Variants in SPAG16 observed in about 807,000 individuals in gnomAD.
SPAG16 encodes sperm-associated antigen 16 protein.
In SPAG16, 86 loss-of-function variants were observed where a neutral mutation model predicts 80.4. The ratio of observed to expected loss-of-function variants is 1.07; its 90% CI spans 0.90 to 1.28. The LOEUF (loss-of-function observed/expected upper bound fraction) is 1.28, where lower values mean the gene tolerates loss of function less well. Among genes scored for constraint, SPAG16 ranks in the 50% most tolerant of loss-of-function variants. The pLI is 0.00. For synonymous variants in SPAG16, 294 were observed against 265.9 expected, an observed-to-expected ratio of 1.11 and a Z score of -1.03; for missense variants, 870 against 765.3, an observed-to-expected ratio of 1.14 and a Z score of -1.61.
intron 12 of SPAG16, among the ~76,000 whole-genome samples, chr2:213,990,797 G>T (rs2046241272): frequency 6.6e-6 from 1 of 152,008 alleles, no homozygotes; most frequent in Non-Finnish European, 1.5e-5. Context: ...AGGTTCCAGT[G>T]TATGTTTGCT....
chr2:213,492,443 G>A (rs1182607220), intron 10 of SPAG16, among the ~76,000 whole-genome samples: 7 of 151,958 alleles, frequency 4.6e-5, no homozygotes, highest in African/African-American at 1.2e-4. Context: ...CCAGCTACTC[G>A]GGAGGCTGAG....
intron 3 of SPAG16, among the ~76,000 whole-genome samples, chr2:213,297,842 T>G (rs2126075543): frequency 6.6e-6 from 1 of 152,270 alleles, no homozygotes; most frequent in East Asian, 1.9e-4. Context: ...TAAAAGTGCA[T>G]AAAACTGATG....
At chr2:213,773,738 G>A (rs947921504) in intron 10 of SPAG16, among the ~76,000 whole-genome samples, 2 of 152,010 alleles carry the variant, frequency 1.3e-5, no homozygotes, top group African/African-American at 4.8e-5. Context: ...ATTTTTAGTA[G>A]AGATAGAGTT....
chr2:213,764,792 A>G (rs1319509804), intron 10 of SPAG16, among the ~76,000 whole-genome samples: 1 of 152,198 alleles, frequency 6.6e-6, no homozygotes, highest in Non-Finnish European at 1.5e-5. Context: ...TATATGAAGT[A>G]TGTAATATAT....
chr2:213,374,153 G>C (rs1462350311), intron 8 of SPAG16, among the ~76,000 whole-genome samples: 2 of 152,070 alleles, frequency 1.3e-5, no homozygotes, highest in African/African-American at 4.8e-5. Flanking sequence ...CCTTTGTCTA[G>C]AACTGGTATC....
At chr2:213,985,708 G>A (rs1477139462) in intron 12 of SPAG16, among the ~76,000 whole-genome samples, 2 of 152,066 alleles carry the variant, frequency 1.3e-5, no homozygotes, top group African/African-American at 2.4e-5. Context: ...CTTAGGGTGT[G>A]TGGGCAAAGA....
At chr2:213,889,589 C>A (rs1416728960) in intron 11 of SPAG16, among the ~76,000 whole-genome samples, 1 of 150,584 alleles carries the variant, frequency 6.6e-6, no homozygotes, top group Non-Finnish European at 1.5e-5. Context: ...AAATAAACAG[C>A]CTTGTTGCTC....
intron 15 of SPAG16, among the ~76,000 whole-genome samples, chr2:214,232,951 A>G (rs768422631): frequency 2.6e-5 from 4 of 152,222 alleles, no homozygotes; most frequent in African/African-American, 7.2e-5. Flanking sequence ...ATGCAATGCA[A>G]TGCATCCAAT....
rs1553615159 is a variant in SPAG16 at position 213,715,222 on chromosome 2, G to GTCAATCTA, written c.1071-147261_1071-147260insAATCTATC. ...AGATTCAAGTTAGGTAGATCTATCT[G>GTCAATCTA]TCTATCTATCTATCTATCTATCTAT... On this transcript the variant is annotated intron_variant, in intron 10 of 15. Coordinates refer to ENST00000331683, the MANE Select transcript of SPAG16 (RefSeq NM_024532.5). 7.2e-5 allele frequency among the ~76,000 whole-genome samples: 8 copies of GTCAATCTA among 110,576 alleles called. No homozygotes were observed. In the South Asian group the frequency reaches 2.3e-3, roughly 32 times the overall value. The allele number at this position is 110,576 out of a possible 152,430, so 72.5% of individuals were successfully genotyped here. A position where few individuals can be genotyped will look rare whatever the true frequency, so the allele number is the denominator to read the frequency against.
chr2:213,514,020 A>G (rs1385765774), intron 10 of SPAG16, among the ~76,000 whole-genome samples: 1 of 152,220 alleles, frequency 6.6e-6, no homozygotes, highest in African/African-American at 2.4e-5. Context: ...AGCGGTAAAT[A>G]GATACCAGAC....
chr2:213,813,061 T>G (rs1374327207), intron 10 of SPAG16, among the ~76,000 whole-genome samples: 1 of 152,122 alleles, frequency 6.6e-6, no homozygotes, highest in Non-Finnish European at 1.5e-5. Flanking sequence ...CTGCTTCACT[T>G]AAAAAATGAG....
intron 15 of SPAG16, among the ~76,000 whole-genome samples, chr2:214,353,367 T>C (rs1698553557): frequency 1.3e-5 from 2 of 152,126 alleles, no homozygotes; most frequent in Admixed American, 1.3e-4. Context: ...GTGTAATAAA[T>C]TTCTTAAGCT....
At chr2:214,125,613 A>G (rs1013498951) in intron 14 of SPAG16, among the ~76,000 whole-genome samples, 9 of 151,774 alleles carry the variant, frequency 5.9e-5, no homozygotes, top group African/African-American at 2.2e-4. Flanking sequence ...TTAGTTAAAT[A>G]TATATAGCTC....
intron 15 of SPAG16, among the ~76,000 whole-genome samples, chr2:214,376,522 T>A (rs1422593161): frequency 1.3e-5 from 2 of 152,098 alleles, no homozygotes; most frequent in African/African-American, 4.8e-5. Flanking sequence ...CAGTTCAAAA[T>A]AATAGGACCA....
At chr2:214,309,776 G>T (rs183708926) in intron 15 of SPAG16, among the ~76,000 whole-genome samples, 24 of 152,166 alleles carry the variant, frequency 1.6e-4, no homozygotes, top group Admixed American at 2.6e-4. Context: ...ACTTTGCCGG[G>T]GGAACCAAAG....
intron 10 of SPAG16, among the ~76,000 whole-genome samples, chr2:213,695,959 A>G (rs2065137899): frequency 6.6e-6 from 1 of 152,168 alleles, no homozygotes; most frequent in African/African-American, 2.4e-5. Context: ...GAGTTACGTA[A>G]GGGTAGAAGA....
At chr2:213,591,946 A>T (rs1175895900) in intron 10 of SPAG16, among the ~76,000 whole-genome samples, 1 of 152,220 alleles carries the variant, frequency 6.6e-6, no homozygotes, top group East Asian at 1.9e-4. Flanking sequence ...AGAAATAAAC[A>T]TGGAAGCTCA....
At chr2:213,964,261 A>G (rs923913850) in intron 12 of SPAG16, among the ~76,000 whole-genome samples, 1 of 152,158 alleles carries the variant, frequency 6.6e-6, no homozygotes, top group Non-Finnish European at 1.5e-5. Flanking sequence ...CAGGTAAGAG[A>G]TGAAAGGACA....
At chr2:214,343,118 TATA>T in intron 15 of SPAG16, among the ~76,000 whole-genome samples, 1 of 152,068 alleles carries the variant, frequency 6.6e-6, no homozygotes, top group Admixed American at 6.6e-5. Context: ...CAAAAAAAAG[TATA>T]ATAACTATTT....
Sources: gnomAD v4.1 joint callset for allele counts (sites outside exome capture counted in the v4.1 genomes callset) on GRCh38, gnomAD v4.1.1 for gene constraint, MANE v1.5 for transcripts, NCBI Gene and HGNC (gene_info 2026-07-23, HGNC 2026-07-21) for gene names.